The following MUC5B variants were observed in gnomAD, a reference collection of about 807,000 sequenced individuals.
MUC5B encodes the protein mucin-5B.
MUC5B carries 116 observed loss-of-function variants against 376.9 expected under a neutral mutation model. The observed-to-expected ratio is 0.31, with a 90% CI of 0.26 to 0.36. MUC5B has a LOEUF of 0.36. MUC5B is among the 10% of genes least tolerant of loss of function. The pLI, the probability that MUC5B is intolerant of heterozygous loss-of-function variation, is 1.00. For synonymous variants in MUC5B, 3,517 were observed against 3,390.9 expected (o/e 1.04, Z -1.29); for missense variants, 7,165 against 7,769.9 (o/e 0.92, Z 2.93).
intron 32 of MUC5B, 73 bp downstream of exon 32, chr11:1,252,597 T>C (rs1862735009): frequency 9.7e-6 from 14 of 1,438,510 alleles, no homozygotes; most frequent in African/African-American, 1.4e-5. Context: ...ACAGCCACAG[T>C]CCAGCTCCCG....
intron 7 of MUC5B, among the ~76,000 whole-genome samples, chr11:1,228,159 A>G (rs1415388990): frequency 6.6e-6 from 1 of 152,160 alleles, no homozygotes; most frequent in African/African-American, 2.4e-5. Flanking sequence ...TGTGAATGAC[A>G]GCATGAGCCC....
chr11:1,247,482 G>T lies in MUC5B; in HGVS notation c.10602G>T (p.Arg3534Ser). 1.2e-6 allele frequency: 2 copies of T among 1,607,668 alleles called. No homozygotes were observed. Among genetic ancestry groups the T allele is most frequent in the Non-Finnish European group, 8.5e-7 (1 of 1,177,420 alleles). The change falls in exon 31 of 49, where the codon AGG becomes AGT. Residue 3534 changes from arginine to serine, a missense_variant. This residue lies in a region of MUC5B where 939 missense variants were observed against 770.6 expected (regional missense o/e 1.22). Transcript: ENST00000529681. ...SPGTTTPGHT[R>S]GTSRTTATAT... is the part of the protein sequence containing the mutation. ...GGACGACCACCCCGGGCCACACCAG[G>T]GGCACCTCCAGGACCACAGCCACAG...
chr11:1,230,619 C>T lies in MUC5B; in HGVS notation c.1470+19C>T. On this transcript the variant is annotated intron_variant, in intron 12 of 48. Coordinates refer to ENST00000529681, the MANE Select transcript of MUC5B (RefSeq NM_002458.3). ...GGACACGGTGAGGACCTGGCTGGGGCCCTGGGCTGGGACAGGAAGAGGCAT... is the reference window on the plus strand; with the variant it reads ...GGACACGGTGAGGACCTGGCTGGGGTCCTGGGCTGGGACAGGAAGAGGCAT... 6.3e-7 allele frequency: 1 copy of T among 1,589,990 alleles called. No individual in the cohort carries two copies. The highest frequency in any genetic ancestry group is 8.6e-7 in the Non-Finnish European group (1 of 1,166,726).
intron 44 of MUC5B, 76 bp from the exon 45 acceptor site, chr11:1,259,680 A>G: frequency 6.7e-7 from 1 of 1,485,406 alleles, no homozygotes; most frequent in Non-Finnish European, 9.4e-7. Context: ...ACTGGGGTGT[A>G]GACAGGAGGG....
At position 1,247,889 on chromosome 11, in the gene MUC5B, A is replaced by G. The variant is rs751348701; in HGVS notation, c.11009A>G (p.His3670Arg). ...EIRVFCCNYGHCPSTPATSST... is the reference protein window; with the variant it reads ...EIRVFCCNYGRCPSTPATSST... ...CGTGTGTTCTGCTGCAACTACGGCCACTGCCCCAGCACCCCGGCCACCAGC... is the reference window on the plus strand; with the variant it reads ...CGTGTGTTCTGCTGCAACTACGGCCGCTGCCCCAGCACCCCGGCCACCAGC... The change falls in exon 31 of 49, where the codon CAC (histidine) becomes CGC (arginine). Residue 3670 changes from histidine to arginine, a missense_variant. By Grantham distance (29) the His-to-Arg change is conservative. This residue lies in a region of MUC5B where 81 missense variants were observed against 154.5 expected (regional missense o/e 0.52). Coordinates refer to ENST00000529681, the MANE Select transcript of MUC5B (RefSeq NM_002458.3). 1.9e-6 allele frequency: 3 copies of G among 1,611,026 alleles called. No individual in the cohort carries two copies. The highest frequency in any genetic ancestry group is 3.3e-5 in the Admixed American group (2 of 59,954).
chr11:1,254,440 G>T, intron 34 of MUC5B, 89 bp downstream of exon 34: 1 of 1,519,384 alleles, frequency 6.6e-7, no homozygotes. Flanking sequence ...CCCAGGTGCC[G>T]CAGCGATGGC....
At chr11:1,226,439 G>A in intron 3 of MUC5B, 163 bp downstream of exon 3, 1 of 1,278,418 alleles carries the variant, frequency 7.8e-7, no homozygotes, top group Non-Finnish European at 1.1e-6. Flanking sequence ...CTGGGGGATG[G>A]GGACGGGTCA....
rs752959409 is a variant in MUC5B, at chr11:1,251,551, G to T, written c.14671G>T (p.Ala4891Ser). The T allele has an allele frequency of 6.2e-7, 1 of 1,606,400 alleles. No homozygotes were observed. The highest frequency in any genetic ancestry group is 8.5e-7 in the Non-Finnish European group (1 of 1,175,664). ...TTMATMPTAT[A>S]STVPSSSTVG... ...CATGGCCACTATGCCCACAGCCACT[G>T]CCTCCACGGTTCCCAGCTCGTCCAC... Residue 4891 changes from alanine to serine, a missense_variant, in exon 31 of 49, where the codon GCC becomes TCC. Physicochemically the swap from Ala to Ser is moderately conservative, Grantham distance 99 (BLOSUM62 1). Around this residue, in one of 31 missense-constraint regions of MUC5B, gnomAD observed 730 missense variants for 592.7 expected, o/e 1.23. Coordinates refer to ENST00000529681, the MANE Select transcript of MUC5B (RefSeq NM_002458.3).
chr11:1,252,761 G>T, intron 32 of MUC5B, 48 bp from the exon 33 acceptor site: 1 of 1,549,318 alleles, frequency 6.5e-7, no homozygotes, highest in East Asian at 2.4e-5. Flanking sequence ...GCCGTGGATG[G>T]GTCCCGTGAG....
At position 1,258,989 on chromosome 11, in the gene MUC5B, C is replaced by A; in HGVS notation, c.16641C>A (p.Cys5547Ter). ...PGALPCHMCT[C>*]LSGDTQDPTV... ...CCCTTCCCTGCCACATGTGTACCTG[C>A]CTCTCTGGGGACACCCAGGACCCAA... is the stretch of plus-strand genomic sequence containing the variant. The change falls in exon 44 of 49, where the codon TGC (cysteine) becomes TGA (stop). Residue 5547 changes from cysteine to a stop codon, truncating the protein, a stop_gained. Transcript: ENST00000529681. LOFTEE classifies it high-confidence loss of function. The surrounding 1 kb of genome is among the most constrained non-coding windows in gnomAD (Gnocchi z 5.5). 1.3e-6 allele frequency: 2 copies of A among 1,559,794 alleles called. No individual in the cohort carries two copies. The highest frequency in any genetic ancestry group is 1.2e-5 in the South Asian group (1 of 84,404).
At chr11:1,229,983 T>C (rs904205980) in intron 10 of MUC5B, 22 bp from the exon 11 acceptor site, 2 of 1,576,154 alleles carry the variant, frequency 1.3e-6, no homozygotes, top group African/African-American at 2.7e-5. Context: ...ATGCCGGTTC[T>C]GCTCACGGCC....
chr11:1,226,998 G>C, intron 4 of MUC5B, 33 bp from the exon 5 acceptor site: 1 of 1,589,292 alleles, frequency 6.3e-7, no homozygotes, highest in South Asian at 1.1e-5. Context: ...CCAGGAGAGC[G>C]GGGCCCAGGG....
Position 1,230,005 on chromosome 11 carries a change from C to T in MUC5B, c.1221C>T (p.Cys407=). ...TTCTGCTCACGGCCTCCCTCCCCAG[C>T]ACCTGCTCCGGGGGGCTATGGCAGT... ...GTSFNTTCSS[C]TCSGGLWQCQ... The change falls in exon 11 of 49, where the codon TGC becomes TGT. Residue 407 remains cysteine, a splice_region_variant and synonymous_variant. Transcript: ENST00000529681. 6.3e-7 allele frequency: 1 copy of T among 1,591,916 alleles called. No homozygotes were observed. The highest frequency in any genetic ancestry group is 1.3e-5 in the African/African-American group (1 of 74,590).
chr11:1,257,971 A>G lies in MUC5B; in HGVS notation c.16451-128A>G. The G allele has an allele frequency of 9.8e-7, 1 of 1,024,506 alleles. No individual in the cohort carries two copies. Among genetic ancestry groups the G allele is most frequent in the Non-Finnish European group, 1.4e-6 (1 of 695,872 alleles). 63.5% of individuals were successfully genotyped at this position (1,024,506 alleles called of 1,614,324 possible). On this transcript the variant is annotated intron_variant, in intron 41 of 48. Coordinates refer to ENST00000529681, the MANE Select transcript of MUC5B (RefSeq NM_002458.3). This position sits in a 1 kb window ranked among gnomAD's most constrained non-coding sequence, Gnocchi z 8.9. ...GGAGGTGGCCAAGCAAGGGGCCTGG[A>G]GGGAGCCCCCAGGGGCTGTGAAGCG...
chr11:1,249,406 G>T lies in MUC5B; in HGVS notation c.12526G>T (p.Ala4176Ser). 6.2e-7 allele frequency: 1 copy of T among 1,611,306 alleles called. No individual in the cohort carries two copies. The highest frequency in any genetic ancestry group is 8.5e-7 in the Non-Finnish European group (1 of 1,179,614). Residue 4176 changes from alanine (A) to serine (S), a missense_variant, in exon 31 of 49, where the codon GCC becomes TCC. By Grantham distance (99) the Ala-to-Ser change is moderately conservative. This residue lies in a region of MUC5B where 34 missense variants were observed against 25.7 expected (regional missense o/e 1.32). Transcript: ENST00000529681. ...GCAGCCCCTGGGCCTCGAGTGCCGT[G>T]CCCAGGCCCAGCCTGGTGTCCCCCT... ...CEQPLGLECRAQAQPGVPLGE... is the reference protein window; with the variant it reads ...CEQPLGLECRSQAQPGVPLGE...
rs56025628 is a variant in MUC5B, at chr11:1,258,382, G to C, written c.16593+15G>C. The C allele has an allele frequency of 0.029, 47,520 of 1,611,084 alleles. 892 individuals carry two copies. Among genetic ancestry groups the C allele is most frequent in the Non-Finnish European group, 0.033 (38,317 of 1,178,964 alleles). On this transcript the variant is annotated intron_variant, in intron 43 of 48. Coordinates refer to ENST00000529681, the MANE Select transcript of MUC5B (RefSeq NM_002458.3). The surrounding 1 kb of genome is among the most constrained non-coding windows in gnomAD (Gnocchi z 5.5). ...CCTTCTACGGGGTAAGGGCACAGCAGTGGGTGGGTGTGGCCCTGGGGCCTG... is the reference window on the plus strand; with the variant it reads ...CCTTCTACGGGGTAAGGGCACAGCACTGGGTGGGTGTGGCCCTGGGGCCTG...
Position 1,250,349 on chromosome 11 carries a change from T to G in MUC5B, c.13469T>G (p.Val4490Gly). 6.2e-7 allele frequency: 1 copy of G among 1,609,914 alleles called. No individual in the cohort carries two copies. The highest frequency in any genetic ancestry group is 1.4e-5 in the African/African-American group (1 of 73,720). ...AGCACCACGGCCACGACACCCACAG[T>G]CACCAGCTCCAAAGCCACTCCCTCC... ...HVSTTATTPT[V>G]TSSKATPSSS... The change falls in exon 31 of 49, where the codon GTC (valine) becomes GGC (glycine). Residue 4490 changes from valine to glycine, a missense_variant. This residue lies in a region of MUC5B where 431 missense variants were observed against 390.4 expected (regional missense o/e 1.10). Coordinates refer to ENST00000529681, the MANE Select transcript of MUC5B (RefSeq NM_002458.3).
chr11:1,261,250 G>A (rs947411052), intron 48 of MUC5B, 139 bp from the exon 49 acceptor site: 13 of 704,156 alleles, frequency 1.8e-5, no homozygotes, highest in Admixed American at 1.6e-4. Context: ...GAAGCCTCAC[G>A]TGCCCACAGA....
At chr11:1,224,053 G>A (rs1861821985) in intron 1 of MUC5B, among the ~76,000 whole-genome samples, 1 of 152,246 alleles carries the variant, frequency 6.6e-6, no homozygotes, top group African/African-American at 2.4e-5. Flanking sequence ...CCCAGCCTGG[G>A]CCCGGGGGGA....
Sources: allele counts gnomAD v4.1 joint callset (sites outside exome capture counted in the v4.1 genomes callset), GRCh38; gene constraint gnomAD v4.1.1; regional missense constraint gnomAD v4.1.1; non-coding constraint Gnocchi (gnomAD v3.1); transcripts MANE v1.5; gene names NCBI Gene and HGNC (gene_info 2026-07-23, HGNC 2026-07-21).